TMEM44: variants seen among roughly 807,000 people sequenced by gnomAD.
TMEM44 encodes the protein transmembrane protein 44.
TMEM44 carries 43 observed loss-of-function variants against 47.8 expected under a neutral mutation model. That is an observed-to-expected ratio of 0.90 (90% confidence interval 0.70 to 1.16). The LOEUF is 1.16. TMEM44 is among the 50% of genes most tolerant of loss of function. The probability of loss-of-function intolerance (pLI) is 0.00; values close to 1 mark genes in which losing one functional copy is unlikely to be tolerated. For synonymous variants in TMEM44, 277 were observed against 238.8 expected (o/e 1.16, Z -1.48); for missense variants, 568 against 555.2 (o/e 1.02, Z -0.23).
chr3:194,611,020 T>C lies in TMEM44; in HGVS notation c.913A>G (p.Asn305Asp). ...GTGGTGAGAGGCACCCAATCCAAAT[T>C]CTTGCAAGTAGAGGCAGGGAGACAG... ...CAEKEEENQENLDWVPLTTLS... is the reference protein window; with the variant it reads ...CAEKEEENQEDLDWVPLTTLS... Residue 305 changes from asparagine to aspartate, a missense_variant and splice_region_variant, in exon 8 of 10, where the codon AAT becomes GAT. Physicochemically the swap from Asn to Asp is conservative, Grantham distance 23 (BLOSUM62 1). Coordinates refer to ENST00000347147, the MANE Select transcript of TMEM44 (RefSeq NM_001011655.3). This position sits in a 1 kb window ranked among gnomAD's most constrained non-coding sequence, Gnocchi z 4.2. 6.2e-7 allele frequency: 1 copy of C among 1,613,480 alleles called. No homozygotes were observed. The highest frequency in any genetic ancestry group is 8.5e-7 in the Non-Finnish European group (1 of 1,179,644).
chr3:194,612,263 T>C (rs1275245744), intron 7 of TMEM44, among the ~76,000 whole-genome samples: 1 of 152,122 alleles, frequency 6.6e-6, no homozygotes, highest in East Asian at 1.9e-4. Flanking sequence ...TCTGTTAATA[T>C]TTTGGCCCCC....
intron 5 of TMEM44, chr3:194,622,890 C>T: frequency 3.9e-6 from 1 of 253,510 alleles, no homozygotes; most frequent in Non-Finnish European, 7.5e-6. Flanking sequence ...ACCTGGCTGC[C>T]TGTCCGGTGT....
chr3:194,590,686 C>T (rs959199460), intron 9 of TMEM44, among the ~76,000 whole-genome samples: 1 of 152,188 alleles, frequency 6.6e-6, no homozygotes, highest in Non-Finnish European at 1.5e-5. Context: ...TGGCTAAAAA[C>T]ACTGATGCTG....
At chr3:194,597,060 A>G (rs1713504599) in intron 9 of TMEM44, 3 of 152,398 alleles carry the variant, frequency 2.0e-5, no homozygotes, top group Admixed American at 2.0e-4. Context: ...CTCATGGCCC[A>G]CACAGGTACA....
At chr3:194,621,662 C>G (rs1179615547) in intron 5 of TMEM44, among the ~76,000 whole-genome samples, 2 of 152,188 alleles carry the variant, frequency 1.3e-5, no homozygotes, top group Non-Finnish European at 2.9e-5. Context: ...AACCCTCCAG[C>G]CCTGAATCCT....
At chr3:194,621,134 G>C (rs1716492527) in intron 5 of TMEM44, among the ~76,000 whole-genome samples, 1 of 152,104 alleles carries the variant, frequency 6.6e-6, no homozygotes, top group Non-Finnish European at 1.5e-5. Context: ...GAGGTCATTA[G>C]GATGAGTCCC....
intron 7 of TMEM44, among the ~76,000 whole-genome samples, chr3:194,612,793 T>C (rs1398373465): frequency 1.3e-5 from 2 of 151,978 alleles, no homozygotes; most frequent in Non-Finnish European, 2.9e-5. Context: ...GCCTCCCGAG[T>C]AGCTGGGACT....
At chr3:194,614,778 T>C (rs893873205) in intron 7 of TMEM44, among the ~76,000 whole-genome samples, 3 of 152,232 alleles carry the variant, frequency 2.0e-5, no homozygotes, top group Non-Finnish European at 4.4e-5. Context: ...GTAAGTAAAT[T>C]ATTCAAAAGC....
chr3:194,630,369 C>T (rs1717664895), intron 1 of TMEM44, among the ~76,000 whole-genome samples: 1 of 111,530 alleles, frequency 9.0e-6, no homozygotes, highest in African/African-American at 3.7e-5. Flanking sequence ...TCGTACCTGC[C>T]TCCCGAAGGG....
intron 7 of TMEM44, among the ~76,000 whole-genome samples, chr3:194,613,507 T>C (rs1308584151): frequency 1.3e-5 from 2 of 151,500 alleles, no homozygotes; most frequent in Non-Finnish European, 2.9e-5. Flanking sequence ...AAAGTTTTTT[T>C]TCGAGACGGA....
In TMEM44 at chr3:194,623,597, C is replaced by A; in HGVS notation, c.457G>T (p.Val153Phe). 2 of 1,611,960 alleles carry A rather than the reference C, an allele frequency of 1.2e-6. No individual in the cohort carries two copies. Among genetic ancestry groups the A allele is most frequent in the Non-Finnish European group, 8.5e-7 (1 of 1,179,640 alleles). The change falls in exon 4 of 10, where the codon GTT (valine) becomes TTT (phenylalanine). Residue 153 changes from valine (V) to phenylalanine (F), a missense_variant. By Grantham distance (50) the Val-to-Phe change is conservative. Coordinates refer to ENST00000347147, the MANE Select transcript of TMEM44 (RefSeq NM_001011655.3). ...GTGGCTGAAGCCTTCGGGACAGCAA[C>A]CCACAGAGCCCAGCACGGGCCCAGG... The part of the protein sequence containing the change: ...LSLGPCWALW[V>F]AVPKASATIR...
intron 8 of TMEM44, among the ~76,000 whole-genome samples, chr3:194,604,666 T>C (rs1431952515): frequency 6.6e-6 from 1 of 152,166 alleles, no homozygotes; most frequent in Non-Finnish European, 1.5e-5. Flanking sequence ...TACAACCAAA[T>C]CCACGTACAC....
chr3:194,617,475 T>A, intron 5 of TMEM44: 1 of 675,514 alleles, frequency 1.5e-6, no homozygotes, highest in Non-Finnish European at 2.5e-6. Flanking sequence ...GGCTTCAACT[T>A]AACTCTGGGA....
chr3:194,616,391 A>G (rs1310560961), intron 6 of TMEM44: 2 of 338,410 alleles, frequency 5.9e-6, no homozygotes, highest in African/African-American at 4.3e-5. Flanking sequence ...CCTTGCTGAT[A>G]CAATTAGACA....
At chr3:194,615,772 T>C (rs1715817094) in intron 6 of TMEM44, 75 bp from the exon 7 acceptor site, 1 of 1,561,870 alleles carries the variant, frequency 6.4e-7, no homozygotes, top group Non-Finnish European at 8.7e-7. Context: ...CTCCACACCA[T>C]GCTGCCACCC....
intron 9 of TMEM44, among the ~76,000 whole-genome samples, chr3:194,603,492 G>T (rs1408299533): frequency 6.6e-6 from 1 of 152,134 alleles, no homozygotes; most frequent in Non-Finnish European, 1.5e-5. Flanking sequence ...CCACCTCCCG[G>T]GTTCAAGTGA....
At chr3:194,626,195 T>C (rs1205888536) in intron 2 of TMEM44, among the ~76,000 whole-genome samples, 1 of 152,190 alleles carries the variant, frequency 6.6e-6, no homozygotes, top group Admixed American at 6.5e-5. Context: ...TTTACATGAC[T>C]GAACCCACGG....
At chr3:194,624,415 C>T (rs2108598899) in intron 3 of TMEM44, among the ~76,000 whole-genome samples, 1 of 152,156 alleles carries the variant, frequency 6.6e-6, no homozygotes. Flanking sequence ...CTGCAGCACC[C>T]CCTCTGATTC....
chr3:194,611,930 G>A lies in TMEM44; in HGVS notation c.913-910C>T, dbSNP rs1398249387. 6.6e-6 allele frequency among the ~76,000 whole-genome samples: 1 copy of A among 152,096 alleles called. No individual in the cohort carries two copies. The highest frequency in any genetic ancestry group is 1.5e-5 in the Non-Finnish European group (1 of 68,030). ...CTAGCTACGTGGGAGGCGGAGGCAG[G>A]AGAATCGCTTGAACCCAGGAGGCGG... On this transcript the variant is annotated intron_variant, in intron 7 of 9. Coordinates refer to ENST00000347147, the MANE Select transcript of TMEM44 (RefSeq NM_001011655.3). The surrounding 1 kb of genome is among the most constrained non-coding windows in gnomAD (Gnocchi z 4.2).
Sources: gnomAD v4.1 joint callset for allele counts (sites outside exome capture counted in the v4.1 genomes callset) on GRCh38, gnomAD v4.1.1 for gene constraint, Gnocchi (gnomAD v3.1) non-coding constraint, MANE v1.5 for transcripts, NCBI Gene and HGNC (gene_info 2026-07-23, HGNC 2026-07-21) for gene names.